The following STK33 variants were observed in gnomAD, a reference collection of about 807,000 sequenced individuals.
The protein encoded by STK33 is serine/threonine-protein kinase 33.
Under a neutral mutation model 58.0 loss-of-function variants are expected in STK33, and 52 were observed. The observed-to-expected ratio is 0.90, with a 90% CI of 0.72 to 1.13. The LOEUF is 1.13. STK33 is among the 50% of genes most tolerant of loss of function. The pLI is 0.00. For missense variants in STK33, 630 were observed against 604.2 expected, an observed-to-expected ratio of 1.04 and a Z score of -0.45; for synonymous variants, 215 against 200.1, an observed-to-expected ratio of 1.07 and a Z score of -0.63.
chr11:8,481,901 T>A (rs748172745), intron 1 of STK33, among the ~76,000 whole-genome samples: 6 of 152,220 alleles, frequency 3.9e-5, no homozygotes, highest in Non-Finnish European at 7.3e-5. Flanking sequence ...TTGGTCATAA[T>A]AAACATTATT....
chr11:8,549,193 T>C (rs1471346647), intron 1 of STK33, among the ~76,000 whole-genome samples: 4 of 152,204 alleles, frequency 2.6e-5, no homozygotes, highest in East Asian at 1.9e-4. Flanking sequence ...GGATGTTAAA[T>C]TGTATTGAAT....
At chr11:8,490,999 A>C (rs1950568307) in intron 1 of STK33, among the ~76,000 whole-genome samples, 1 of 152,198 alleles carries the variant, frequency 6.6e-6, no homozygotes, top group Admixed American at 6.5e-5. Context: ...CCAGAATAGA[A>C]AAGCTGAAAA....
intron 1 of STK33, among the ~76,000 whole-genome samples, chr11:8,572,856 A>C (rs1477364677): frequency 6.6e-6 from 1 of 152,198 alleles, no homozygotes; most frequent in Admixed American, 6.5e-5. Flanking sequence ...AGGCATAGTA[A>C]TAGGAACTAT....
At chr11:8,364,200 C>T in the STK33 span, among the ~76,000 whole-genome samples, 600 of 152,316 alleles carry the variant, frequency 3.9e-3, 3 homozygotes, top group Non-Finnish European at 6.9e-3. Flanking sequence ...ACATGTGGAG[C>T]CAAATGGTGG....
rs574998494 is a variant in STK33, at chr11:8,448,481, T to C, written c.871+4341A>G. On this transcript the variant is annotated intron_variant, in intron 11 of 15. Transcript: ENST00000687296. ...CAGAGCCCTCAGAAATAATGCTGCATATCTACAACCATCTGATCTTTGACA... is the reference window on the plus strand; with the variant it reads ...CAGAGCCCTCAGAAATAATGCTGCACATCTACAACCATCTGATCTTTGACA... Among the ~76,000 whole-genome samples the C allele has an allele frequency of 6.8e-3, 1,032 of 152,188 alleles. 11 individuals carry two copies. The highest frequency in any genetic ancestry group is 0.023 in the African/African-American group (945 of 41,500).
intron 1 of STK33, among the ~76,000 whole-genome samples, chr11:8,553,226 G>GTGTATATATATATATATATATATTT (rs1956482484): frequency 1.2e-5 from 1 of 80,382 alleles, no homozygotes; most frequent in Non-Finnish European, 2.4e-5. Context: ...TATATATATG[G>GTGTATATATATATATATATATATTT]TGTGTATATA....
intron 6 of STK33, among the ~76,000 whole-genome samples, chr11:8,471,362 T>C (rs977082389): frequency 6.6e-6 from 1 of 152,200 alleles, no homozygotes; most frequent in Non-Finnish European, 1.5e-5. Context: ...AGAAAACAGT[T>C]TCTTATTTCT....
intron 8 of STK33, among the ~76,000 whole-genome samples, chr11:8,460,049 A>T (rs145774313): frequency 2.0e-3 from 300 of 152,340 alleles, no homozygotes; most frequent in African/African-American, 6.9e-3. Flanking sequence ...GGTGCCACCT[A>T]ATGAAGCTTA....
Position 8,526,720 on chromosome 11 carries a change from T to C in STK33, c.-465-46106A>G, listed in dbSNP as rs151146841. Among the ~76,000 whole-genome samples the C allele has an allele frequency of 6.6e-5, 10 of 151,570 alleles. No individual in the cohort carries two copies. In the East Asian group the frequency reaches 1.9e-3, roughly 29 times the overall value. ...AAATTATCAAATACCTAGGTATAAA[T>C]CTAATGCAAGATGTGTAAGATATAT... On this transcript the variant is annotated intron_variant, in intron 1 of 15. Coordinates refer to ENST00000687296, the MANE Select transcript of STK33 (RefSeq NM_001352389.2).
chr11:8,435,461 T>A (rs1404972803), intron 14 of STK33, 33 bp downstream of exon 14: 3 of 1,150,622 alleles, frequency 2.6e-6, no homozygotes, highest in Non-Finnish European at 3.5e-6. Context: ...AATGGTAGCA[T>A]GTCAGAAAGA....
rs534501214 is a variant in STK33 at position 8,566,149 on chromosome 11, A to C, written c.-466+27934T>G. Among the ~76,000 whole-genome samples, 10 of 152,150 alleles carry C rather than the reference A, an allele frequency of 6.6e-5. No individual in the cohort carries two copies. The South Asian group carries it at 1.7e-3, about 25-fold the overall frequency. ...CTATATTTAATCCTTCCAAGTTAAG[A>C]CTCTAGTTAATTAATTATATTTTAT... On this transcript the variant is annotated intron_variant, in intron 1 of 15. Transcript: ENST00000687296.
Position 8,452,716 on chromosome 11 carries a change from A to G in STK33, c.871+106T>C. The stretch of plus-strand genomic sequence containing the variant: ...GGTGGGGGGATGGCTTGAGCCCAGG[A>G]GGTCAAGGCTGCAGTGAGCCAAGAT... On this transcript the variant is annotated intron_variant, in intron 11 of 15. Coordinates refer to ENST00000687296, the MANE Select transcript of STK33 (RefSeq NM_001352389.2). The G allele has an allele frequency of 4.4e-6, 4 of 905,620 alleles. No individual in the cohort carries two copies. The Admixed American group carries it at 7.5e-5, about 17-fold the overall frequency. 56.1% of individuals were successfully genotyped at this position (905,620 alleles called of 1,614,324 possible). A position where few individuals can be genotyped will look rare whatever the true frequency, so the allele number is the denominator to read the frequency against.
At chr11:8,468,603 AT>A (rs200941619) in intron 6 of STK33, among the ~76,000 whole-genome samples, 38 of 151,092 alleles carry the variant, frequency 2.5e-4, no homozygotes, top group African/African-American at 8.2e-4. Flanking sequence ...CTTTTGGCTT[AT>A]TTTTTTTTCT....
intron 14 of STK33, among the ~76,000 whole-genome samples, chr11:8,424,111 C>T (rs960875612): frequency 6.6e-5 from 10 of 151,436 alleles, no homozygotes; most frequent in African/African-American, 1.2e-4. Flanking sequence ...TAACATTAGG[C>T]ATATCTCCTA....
Position 8,532,453 on chromosome 11 carries a change from T to TCTAAACCACTACCTTATTC in STK33, c.-465-51840_-465-51839insGAATAAGGTAGTGGTTTAG, listed in dbSNP as rs1954629800. Among the ~76,000 whole-genome samples, 4 of 152,368 alleles carry TCTAAACCACTACCTTATTC rather than the reference T, an allele frequency of 2.6e-5. No homozygotes were observed. The East Asian group carries it at 5.8e-4, about 22-fold the overall frequency. On this transcript the variant is annotated intron_variant, in intron 1 of 15. Coordinates refer to ENST00000687296, the MANE Select transcript of STK33 (RefSeq NM_001352389.2). Reference sequence around the variant, plus strand: ...CCTAAAATACTTGCCATCTGGCCCTTTGCCCAAAAAGTTTACCGTGCCCTG... The same window carrying TCTAAACCACTACCTTATTC: ...CCTAAAATACTTGCCATCTGGCCCTTCTAAACCACTACCTTATTCTGCCCAAAAAGTTTACCGTGCCCTG...
intron 1 of STK33, among the ~76,000 whole-genome samples, chr11:8,494,137 A>C (rs1283578573): frequency 6.6e-6 from 1 of 152,226 alleles, no homozygotes; most frequent in African/African-American, 2.4e-5. Context: ...GTACTCAATT[A>C]GGAAAAGAGA....
intron 1 of STK33, among the ~76,000 whole-genome samples, chr11:8,528,320 C>A (rs1954228571): frequency 6.6e-6 from 1 of 152,112 alleles, no homozygotes; most frequent in African/African-American, 2.4e-5. Context: ...CACCATTATC[C>A]TCATATTCCT....
chr11:8,506,267 A>C (rs1322646806), intron 1 of STK33, among the ~76,000 whole-genome samples: 1 of 152,222 alleles, frequency 6.6e-6, no homozygotes, highest in Non-Finnish European at 1.5e-5. Context: ...TCTCAAGGCT[A>C]AACAGTTTCA....
the STK33 span, among the ~76,000 whole-genome samples, chr11:8,372,001 T>C: frequency 6.6e-6 from 1 of 152,040 alleles, no homozygotes; most frequent in South Asian, 2.1e-4. Context: ...TCCTCCTGCC[T>C]CAGCCTCCCG....
Sources: allele counts gnomAD v4.1 joint callset (sites outside exome capture counted in the v4.1 genomes callset), GRCh38; gene constraint gnomAD v4.1.1; transcripts MANE v1.5; gene names NCBI Gene and HGNC (gene_info 2026-07-23, HGNC 2026-07-21).